The following RAB15 variants were observed in gnomAD, a reference collection of about 807,000 sequenced individuals.
RAB15 encodes the protein ras-related protein Rab-15.
A neutral mutation model predicts 31.8 loss-of-function variants in RAB15; 13 were observed. The ratio of observed to expected loss-of-function variants is 0.41; its 90% CI spans 0.27 to 0.65. The LOEUF (loss-of-function observed/expected upper bound fraction) is 0.65. RAB15 is among the 30% of genes least tolerant of loss of function. The pLI, the probability that RAB15 is intolerant of heterozygous loss-of-function variation, is 0.32. For missense variants in RAB15, 220 were observed against 277.3 expected, an observed-to-expected ratio of 0.79 and a Z score of 1.47; for synonymous variants, 100 against 105.6, an observed-to-expected ratio of 0.95 and a Z score of 0.33.
At chr14:64,949,390 T>A (rs1348556900) in intron 5 of RAB15, among the ~76,000 whole-genome samples, 1 of 152,194 alleles carries the variant, frequency 6.6e-6, no homozygotes, top group Non-Finnish European at 1.5e-5. Flanking sequence ...AGGAAAACTC[T>A]TGAGGTCCAC....
At position 64,962,433 on chromosome 14, in the gene RAB15, G is replaced by A. The variant is rs1056663902; in HGVS notation, c.124+9520C>T. Among the ~76,000 whole-genome samples, 2 of 152,148 alleles carry A rather than the reference G, an allele frequency of 1.3e-5. No individual in the cohort carries two copies. The highest frequency in any genetic ancestry group is 1.5e-5 in the Non-Finnish European group (1 of 68,024). On this transcript the variant is annotated intron_variant, in intron 1 of 6. Transcript: ENST00000533601. This position sits in a 1 kb window ranked among gnomAD's most constrained non-coding sequence, Gnocchi z 4.2. The stretch of plus-strand genomic sequence containing the variant: ...CTATGAACAGCACAGAAAGATCCTT[G>A]TCATCAGAGCTTAATTCTAGTGGGG...
chr14:64,959,824 G>C (rs1341793722), intron 1 of RAB15, among the ~76,000 whole-genome samples: 1 of 131,168 alleles, frequency 7.6e-6, no homozygotes, highest in East Asian at 2.6e-4. Context: ...ACTCCAGCCT[G>C]AGTGACAGAG....
Position 64,971,813 on chromosome 14 carries a change from G to T in RAB15, c.124+140C>A. 1.2e-6 allele frequency: 1 copy of T among 805,772 alleles called. No individual in the cohort carries two copies. Among genetic ancestry groups the T allele is most frequent in the Non-Finnish European group, 1.9e-6 (1 of 514,688 alleles). The allele number at this position is 805,772 out of a possible 1,614,324, so 49.9% of individuals were successfully genotyped here. ...CTGCCAAAACCTATGCTCACCCCGAGATTTATCCCGGACTCCGGCCTCCGG... is the reference window on the plus strand; with the variant it reads ...CTGCCAAAACCTATGCTCACCCCGATATTTATCCCGGACTCCGGCCTCCGG... On this transcript the variant is annotated intron_variant, in intron 1 of 6. Transcript: ENST00000533601. This position sits in a 1 kb window ranked among gnomAD's most constrained non-coding sequence, Gnocchi z 4.1.
rs1157334032 is a variant in RAB15 at position 64,953,183 on chromosome 14, C to G, written c.125-612G>C. On this transcript the variant is annotated intron_variant, in intron 1 of 6. Transcript: ENST00000533601. The surrounding 1 kb of genome is among the most constrained non-coding windows in gnomAD (Gnocchi z 4.6). Reference sequence around the variant, plus strand: ...TCACCATAGGAGGCACTGTGGTTGACTAGAAGGAGCATGGGCTTTGGTGTC... The same window carrying G: ...TCACCATAGGAGGCACTGTGGTTGAGTAGAAGGAGCATGGGCTTTGGTGTC... Among the ~76,000 whole-genome samples the G allele has an allele frequency of 1.3e-5, 2 of 152,244 alleles. No individual in the cohort carries two copies. The highest frequency in any genetic ancestry group is 4.8e-5 in the African/African-American group (2 of 41,458).
In RAB15 at chr14:64,971,196, G is replaced by A. The variant is rs1462088832; in HGVS notation, c.124+757C>T. 1.3e-5 allele frequency among the ~76,000 whole-genome samples: 2 copies of A among 152,296 alleles called. No individual in the cohort carries two copies. Among genetic ancestry groups the A allele is most frequent in the South Asian group, 2.1e-4 (1 of 4,828 alleles). ...TCCTAGAATAAGTGACCCCATCATA[G>A]TGCTGTCTGGGATGCCACCGGGTCT... On this transcript the variant is annotated intron_variant, in intron 1 of 6. Coordinates refer to ENST00000533601, the MANE Select transcript of RAB15 (RefSeq NM_001308154.2). This position sits in a 1 kb window ranked among gnomAD's most constrained non-coding sequence, Gnocchi z 4.1.
rs1181676123 is a variant in RAB15 at position 64,962,587 on chromosome 14, A to G, written c.124+9366T>C. Among the ~76,000 whole-genome samples the G allele has an allele frequency of 6.6e-6, 1 of 152,192 alleles. No individual in the cohort carries two copies. The highest frequency in any genetic ancestry group is 2.4e-5 in the African/African-American group (1 of 41,442). ...CTTAGACTGGCTGGCCAGAGAAGAC[A>G]TTTTAAAGGAGGTAACATTTGAGCT... On this transcript the variant is annotated intron_variant, in intron 1 of 6. Coordinates refer to ENST00000533601, the MANE Select transcript of RAB15 (RefSeq NM_001308154.2). The surrounding 1 kb of genome is among the most constrained non-coding windows in gnomAD (Gnocchi z 4.2).
At position 64,967,531 on chromosome 14, in the gene RAB15, C is replaced by T. The variant is rs141784182; in HGVS notation, c.124+4422G>A. On this transcript the variant is annotated intron_variant, in intron 1 of 6. Coordinates refer to ENST00000533601, the MANE Select transcript of RAB15 (RefSeq NM_001308154.2). Reference sequence around the variant, plus strand: ...TTAGGAGATCGAGGCTGCAGTGAGCCGTGATTGTGCCACCACCACACTCCA... The same window carrying T: ...TTAGGAGATCGAGGCTGCAGTGAGCTGTGATTGTGCCACCACCACACTCCA... 2.4e-3 allele frequency among the ~76,000 whole-genome samples: 362 copies of T among 151,690 alleles called. 2 individuals carry two copies. Among genetic ancestry groups the T allele is most frequent in the African/African-American group, 8.4e-3 (347 of 41,318 alleles).
Position 64,971,637 on chromosome 14 carries a change from T to C in RAB15, c.124+316A>G, listed in dbSNP as rs1887423743. Among the ~76,000 whole-genome samples, 1 of 151,902 alleles carries C rather than the reference T, an allele frequency of 6.6e-6. No individual in the cohort carries two copies. The highest frequency in any genetic ancestry group is 2.4e-5 in the African/African-American group (1 of 41,354). ...GGTGTGGGGATGTTATTCCAGCGGC[T>C]ACGATTCTTGCTACCCCAGCTCGGG... On this transcript the variant is annotated intron_variant, in intron 1 of 6. Transcript: ENST00000533601. The surrounding 1 kb of genome is among the most constrained non-coding windows in gnomAD (Gnocchi z 4.1).
Position 64,970,259 on chromosome 14 carries a change from G to T in RAB15, c.124+1694C>A, listed in dbSNP as rs569473102. On this transcript the variant is annotated intron_variant, in intron 1 of 6. Transcript: ENST00000533601. This position sits in a 1 kb window ranked among gnomAD's most constrained non-coding sequence, Gnocchi z 4.1. Reference sequence around the variant, plus strand: ...CTTAAGGGATAACCCACCGCCCTTTGTCCCTGAGCCCACAACCTGTCCTCA... The same window carrying T: ...CTTAAGGGATAACCCACCGCCCTTTTTCCCTGAGCCCACAACCTGTCCTCA... 3.5e-4 allele frequency among the ~76,000 whole-genome samples: 54 copies of T among 152,318 alleles called. No homozygotes were observed. Among genetic ancestry groups the T allele is most frequent in the Non-Finnish European group, 5.0e-4 (34 of 68,018 alleles).
chr14:64,971,211 C>G lies in RAB15; in HGVS notation c.124+742G>C, dbSNP rs1364187447. Among the ~76,000 whole-genome samples, 1 of 152,202 alleles carries G rather than the reference C, an allele frequency of 6.6e-6. No homozygotes were observed. The highest frequency in any genetic ancestry group is 1.5e-5 in the Non-Finnish European group (1 of 68,020). On this transcript the variant is annotated intron_variant, in intron 1 of 6. Coordinates refer to ENST00000533601, the MANE Select transcript of RAB15 (RefSeq NM_001308154.2). This position sits in a 1 kb window ranked among gnomAD's most constrained non-coding sequence, Gnocchi z 4.1. Reference sequence around the variant, plus strand: ...CCCCATCATAGTGCTGTCTGGGATGCCACCGGGTCTTGTCCCTCTAACCAC... The same window carrying G: ...CCCCATCATAGTGCTGTCTGGGATGGCACCGGGTCTTGTCCCTCTAACCAC...
chr14:64,948,392 C>T lies in RAB15; in HGVS notation c.601G>A (p.Glu201Lys), dbSNP rs187980551. The T allele has an allele frequency of 2.1e-5, 33 of 1,609,568 alleles. No homozygotes were observed. In the Middle Eastern group the frequency reaches 5.0e-4, roughly 24 times the overall value. The change falls in exon 7 of 7, where the codon GAG (glutamate) becomes AAG (lysine). Residue 201 changes from glutamate (E) to lysine (K), a missense_variant. Physicochemically the swap from Glu to Lys is moderately conservative, Grantham distance 56. Coordinates refer to ENST00000533601, the MANE Select transcript of RAB15 (RefSeq NM_001308154.2). This position sits in a 1 kb window ranked among gnomAD's most constrained non-coding sequence, Gnocchi z 7.0. ...GTTTTCGAAGAGTTCGCTGGGCCCT[C>T]GGGTTTGCCCTCCTCCTCCTCCAGC... Reference protein sequence around the residue: ...AELEEEEGKPEGPANSSKTCW... With the variant: ...AELEEEEGKPKGPANSSKTCW...
At chr14:64,964,950 T>C (rs569257751) in intron 1 of RAB15, among the ~76,000 whole-genome samples, 56 of 142,034 alleles carry the variant, frequency 3.9e-4, no homozygotes, top group Non-Finnish European at 8.5e-4. Flanking sequence ...TCTCAGTAAT[T>C]TTTTTTTTTT....
chr14:64,965,895 A>G (rs551721568), intron 1 of RAB15, among the ~76,000 whole-genome samples: 1 of 152,076 alleles, frequency 6.6e-6, no homozygotes, highest in South Asian at 2.1e-4. Flanking sequence ...CGGGCTTCAG[A>G]TATGTTCCTT....
At chr14:64,969,918 C>A (rs965551734) in intron 1 of RAB15, among the ~76,000 whole-genome samples, 1 of 152,124 alleles carries the variant, frequency 6.6e-6, no homozygotes, top group African/African-American at 2.4e-5. Flanking sequence ...AAGGAGAGCA[C>A]GAGCCTCAGA....
chr14:64,971,722 G>T lies in RAB15; in HGVS notation c.124+231C>A, dbSNP rs756735384. 1 of 556,720 alleles carries T rather than the reference G, an allele frequency of 1.8e-6. No homozygotes were observed. Among genetic ancestry groups the T allele is most frequent in the Non-Finnish European group, 3.2e-6 (1 of 311,398 alleles). 34.5% of individuals were successfully genotyped at this position (556,720 alleles called of 1,614,324 possible). On this transcript the variant is annotated intron_variant, in intron 1 of 6. Coordinates refer to ENST00000533601, the MANE Select transcript of RAB15 (RefSeq NM_001308154.2). The surrounding 1 kb of genome is among the most constrained non-coding windows in gnomAD (Gnocchi z 4.1). ...GTTTCTCGGTTTGATGGGACGGAAG[G>T]CTTCCCGGCAAGAGGCGGGAGACCC...
chr14:64,958,878 CCT>C lies in RAB15; in HGVS notation c.125-6309_125-6308del, dbSNP rs1333288290. On this transcript the variant is annotated intron_variant, in intron 1 of 6. Transcript: ENST00000533601. The surrounding 1 kb of genome is among the most constrained non-coding windows in gnomAD (Gnocchi z 4.4). ...ATGCCCATCATGGTGCCTGCCACAC[CCT>C]GTGTCCCTTTCTGGCTAGAACAGCT... is the stretch of plus-strand genomic sequence containing the variant. 6.6e-6 allele frequency among the ~76,000 whole-genome samples: 1 copy of C among 152,168 alleles called. No individual in the cohort carries two copies. Among genetic ancestry groups the C allele is most frequent in the Non-Finnish European group, 1.5e-5 (1 of 68,044 alleles).
chr14:64,955,027 TTC>T lies in RAB15; in HGVS notation c.125-2458_125-2457del, dbSNP rs753761918. Among the ~76,000 whole-genome samples, 16 of 152,024 alleles carry T rather than the reference TTC, an allele frequency of 1.1e-4. No individual in the cohort carries two copies. The highest frequency in any genetic ancestry group is 1.9e-4 in the Non-Finnish European group (13 of 67,986). ...GACTCCTTCTCACCTCCTCCCTCAC[TTC>T]TTAGCTATGTGGCGGGGGACTAAGG... On this transcript the variant is annotated intron_variant, in intron 1 of 6. Coordinates refer to ENST00000533601, the MANE Select transcript of RAB15 (RefSeq NM_001308154.2). This position sits in a 1 kb window ranked among gnomAD's most constrained non-coding sequence, Gnocchi z 4.4.
rs1886299560 is a variant in RAB15 at position 64,952,324 on chromosome 14, G to A, written c.185+187C>T. Among the ~76,000 whole-genome samples, 1 of 152,190 alleles carries A rather than the reference G, an allele frequency of 6.6e-6. No homozygotes were observed. Among genetic ancestry groups the A allele is most frequent in the African/African-American group, 2.4e-5 (1 of 41,452 alleles). On this transcript the variant is annotated intron_variant, in intron 2 of 6. Transcript: ENST00000533601. This position sits in a 1 kb window ranked among gnomAD's most constrained non-coding sequence, Gnocchi z 4.2. ...TGGTGCTTGTAGTCAATCCCCTAAAGTTTCTTAGAGGTTGGAGATTAAGGC... is the reference window on the plus strand; with the variant it reads ...TGGTGCTTGTAGTCAATCCCCTAAAATTTCTTAGAGGTTGGAGATTAAGGC...
rs1886267855 is a variant in RAB15 at position 64,951,792 on chromosome 14, C to T, written c.186-129G>A. Reference sequence around the variant, plus strand: ...GGTGAAAAACCAGGGATGCTTGGATCCCCACAGGGATCTGCAGTCAGAGGC... The same window carrying T: ...GGTGAAAAACCAGGGATGCTTGGATTCCCACAGGGATCTGCAGTCAGAGGC... On this transcript the variant is annotated intron_variant, in intron 2 of 6. Coordinates refer to ENST00000533601, the MANE Select transcript of RAB15 (RefSeq NM_001308154.2). This position sits in a 1 kb window ranked among gnomAD's most constrained non-coding sequence, Gnocchi z 7.2. The T allele has an allele frequency of 1.3e-6, 1 of 781,324 alleles. No individual in the cohort carries two copies. The highest frequency in any genetic ancestry group is 2.6e-5 in the East Asian group (1 of 38,314). 48.4% of individuals were successfully genotyped at this position (781,324 alleles called of 1,614,324 possible).
Sources: allele counts gnomAD v4.1 joint callset (sites outside exome capture counted in the v4.1 genomes callset), GRCh38; gene constraint gnomAD v4.1.1; non-coding constraint Gnocchi (gnomAD v3.1); transcripts MANE v1.5; gene names NCBI Gene and HGNC (gene_info 2026-07-23, HGNC 2026-07-21).